SAMTOR: variants seen among roughly 807,000 people sequenced by gnomAD.
SAMTOR encodes UPF0532 protein C7orf60.
At chr7:112,848,699 C>T in the SAMTOR span, among the ~76,000 whole-genome samples, 1,623 of 152,246 alleles carry the variant, frequency 0.011, 30 homozygotes, top group African/African-American at 0.037. Context: ...TGTATGTTTC[C>T]AATCAGGTAT....
the SAMTOR span, among the ~76,000 whole-genome samples, chr7:112,878,883 A>C: frequency 6.6e-6 from 1 of 152,160 alleles, no homozygotes; most frequent in African/African-American, 2.4e-5. Context: ...AGATTGGAGT[A>C]AAACTGGAAA....
chr7:112,911,532 T>C, the SAMTOR span, among the ~76,000 whole-genome samples: 1,622 of 151,610 alleles, frequency 0.011, 30 homozygotes, highest in African/African-American at 0.037. Context: ...AACAGAATTA[T>C]CACACATAAA....
chr7:112,924,193 T>C, the SAMTOR span, among the ~76,000 whole-genome samples: 12 of 151,282 alleles, frequency 7.9e-5, no homozygotes, highest in South Asian at 2.1e-4. Flanking sequence ...TAAAGTATAA[T>C]AATAATAAAA....
chr7:112,938,407 A>G, the SAMTOR span, among the ~76,000 whole-genome samples: 1 of 152,236 alleles, frequency 6.6e-6, no homozygotes, highest in South Asian at 2.1e-4. Flanking sequence ...AAAATGAAAC[A>G]TATCAACTAC....
At chr7:112,890,007 T>G in the SAMTOR span, among the ~76,000 whole-genome samples, 1 of 152,226 alleles carries the variant, frequency 6.6e-6, no homozygotes, top group East Asian at 1.9e-4. Context: ...CAGGCTGTAG[T>G]TGTGGTTGGG....
At chr7:112,908,001 A>G in the SAMTOR span, among the ~76,000 whole-genome samples, 1 of 152,150 alleles carries the variant, frequency 6.6e-6, no homozygotes, top group Non-Finnish European at 1.5e-5. Flanking sequence ...CAAATATACA[A>G]TGACAAAAAT....
chr7:112,926,813 C>T, the SAMTOR span, among the ~76,000 whole-genome samples: 3 of 152,080 alleles, frequency 2.0e-5, no homozygotes, highest in East Asian at 1.9e-4. Flanking sequence ...ATGAACCTGA[C>T]GGGTTCCCTA....
the SAMTOR span, among the ~76,000 whole-genome samples, chr7:112,853,869 A>G: frequency 3.9e-5 from 6 of 152,144 alleles, no homozygotes; most frequent in Admixed American, 3.3e-4. Context: ...CTTATTTATC[A>G]TCTCTGCTGC....
At chr7:112,840,270 T>C in the SAMTOR span, among the ~76,000 whole-genome samples, 1 of 151,924 alleles carries the variant, frequency 6.6e-6, no homozygotes, top group Non-Finnish European at 1.5e-5. Context: ...TTTGAAAATT[T>C]TACATTGCCT....
the SAMTOR span, among the ~76,000 whole-genome samples, chr7:112,908,745 A>G: frequency 6.6e-6 from 1 of 152,196 alleles, no homozygotes; most frequent in African/African-American, 2.4e-5. Context: ...GATAAAAACA[A>G]AACAAATGAA....
At chr7:112,910,135 T>C in the SAMTOR span, among the ~76,000 whole-genome samples, 1 of 151,688 alleles carries the variant, frequency 6.6e-6, no homozygotes, top group Non-Finnish European at 1.5e-5. Flanking sequence ...CTGCCTAATA[T>C]GAAATTATTT....
the SAMTOR span, among the ~76,000 whole-genome samples, chr7:112,872,287 T>G: frequency 6.6e-6 from 1 of 152,134 alleles, no homozygotes; most frequent in African/African-American, 2.4e-5. Flanking sequence ...CATGATTAAG[T>G]AGGCCTTATT....
chr7:112,828,523 A>T, the SAMTOR span, among the ~76,000 whole-genome samples: 3 of 152,176 alleles, frequency 2.0e-5, no homozygotes, highest in Non-Finnish European at 4.4e-5. Flanking sequence ...GGGCCACTGT[A>T]ATCACCCCTG....
At chr7:112,927,446 A>G in the SAMTOR span, among the ~76,000 whole-genome samples, 1 of 152,088 alleles carries the variant, frequency 6.6e-6, no homozygotes, top group Admixed American at 6.5e-5. Flanking sequence ...AGAACTCTCA[A>G]TGAATTAATA....
At chr7:112,831,587 A>G in the SAMTOR span, among the ~76,000 whole-genome samples, 1 of 152,270 alleles carries the variant, frequency 6.6e-6, no homozygotes, top group African/African-American at 2.4e-5. Context: ...CCCGGGAGGC[A>G]TAAGTTGCAG....
chr7:112,879,218 C>G, the SAMTOR span, among the ~76,000 whole-genome samples: 1 of 148,860 alleles, frequency 6.7e-6, no homozygotes, highest in Admixed American at 6.8e-5. Context: ...GAGGTCAAGT[C>G]AGAGGTCTGA....
the SAMTOR span, among the ~76,000 whole-genome samples, chr7:112,890,783 C>T: frequency 1.1e-4 from 16 of 151,936 alleles, no homozygotes; most frequent in African/African-American, 3.9e-4. Flanking sequence ...CTCCACCTTC[C>T]AGGCTCAAGT....
At chr7:112,850,117 C>T in the SAMTOR span, among the ~76,000 whole-genome samples, 1 of 152,078 alleles carries the variant, frequency 6.6e-6, no homozygotes, top group Admixed American at 6.5e-5. Context: ...GAGGGAATCG[C>T]TTGGACCCGG....
chr7:112,834,491 C>T, the SAMTOR span, among the ~76,000 whole-genome samples: 47 of 151,908 alleles, frequency 3.1e-4, no homozygotes, highest in Non-Finnish European at 5.9e-4. Context: ...TTTCAGTTAC[C>T]CGCAGTTAAC....
Sources: allele counts gnomAD v4.1 joint callset (sites outside exome capture counted in the v4.1 genomes callset), GRCh38; gene constraint gnomAD v4.1.1; transcripts MANE v1.5; gene names NCBI Gene and HGNC (gene_info 2026-07-23, HGNC 2026-07-21).